The following STK32A variants were observed in gnomAD, a reference collection of about 807,000 sequenced individuals.
STK32A encodes the protein serine/threonine kinase 32A, also known as serine/threonine-protein kinase 32A.
A neutral mutation model predicts 53.2 loss-of-function variants in STK32A; 41 were observed. The observed-to-expected ratio is 0.77, with a 90% confidence interval of 0.60 to 1.00. The LOEUF (loss-of-function observed/expected upper bound fraction) is 1.00. Among genes scored for constraint, STK32A ranks in the 50% least tolerant of loss-of-function variants. The pLI is 0.00. For synonymous variants in STK32A, 166 were observed against 162.8 expected (o/e 1.02, Z -0.15); for missense variants, 458 against 485.8 (o/e 0.94, Z 0.54).
In STK32A at chr5:147,305,073, G is replaced by C. The variant is rs188238271; in HGVS notation, c.261-18825G>C. Among the ~76,000 whole-genome samples, 1,517 of 152,052 alleles carry C rather than the reference G, an allele frequency of 1.0e-2. 15 individuals are homozygous for C. Among genetic ancestry groups the C allele is most frequent in the South Asian group, 0.025 (121 of 4,796 alleles). On this transcript the variant is annotated intron_variant, in intron 4 of 12. Transcript: ENST00000397936. ...CACTCCAGCCTGGGTGACAGGGCAAGACTCTGCTCTAAAAAACTAAAAAAA... is the reference window on the plus strand; with the variant it reads ...CACTCCAGCCTGGGTGACAGGGCAACACTCTGCTCTAAAAAACTAAAAAAA...
intron 4 of STK32A, among the ~76,000 whole-genome samples, chr5:147,280,868 C>A (rs533496877): frequency 1.3e-5 from 2 of 152,228 alleles, no homozygotes; most frequent in African/African-American, 4.8e-5. Flanking sequence ...AGCTAAGAAC[C>A]CTTACAGAGT....
intron 4 of STK32A, among the ~76,000 whole-genome samples, chr5:147,295,095 G>A (rs1361603855): frequency 6.6e-6 from 1 of 152,184 alleles, no homozygotes; most frequent in Non-Finnish European, 1.5e-5. Context: ...AGTATTTATA[G>A]ATGAAAACCA....
At position 147,384,691 on chromosome 5, in the gene STK32A, A is replaced by T. The variant is rs1757582116; in HGVS notation, c.*708A>T. The T allele has an allele frequency of 2.6e-6, 1 of 391,886 alleles. No individual in the cohort carries two copies. Among genetic ancestry groups the T allele is most frequent in the Non-Finnish European group, 4.5e-6 (1 of 220,592 alleles). The allele number at this position is 391,886 out of a possible 1,614,324, so 24.3% of individuals were successfully genotyped here. ...GCATTTACACCACGGAAACTGGTAAATGCTCGTTTTTTCCCTCCTAACAAG... is the reference window on the plus strand; with the variant it reads ...GCATTTACACCACGGAAACTGGTAATTGCTCGTTTTTTCCCTCCTAACAAG... On this transcript the variant is annotated 3_prime_UTR_variant, in exon 13 of 13. Coordinates refer to ENST00000397936, the MANE Select transcript of STK32A (RefSeq NM_001112724.2).
chr5:147,241,640 A>G (rs1753588390), intron 2 of STK32A, among the ~76,000 whole-genome samples: 1 of 152,220 alleles, frequency 6.6e-6, no homozygotes, highest in Non-Finnish European at 1.5e-5. Flanking sequence ...AGGGGTCTTA[A>G]GAAAACTTTT....
chr5:147,362,463 C>T (rs2053939361), intron 8 of STK32A, among the ~76,000 whole-genome samples: 1 of 152,172 alleles, frequency 6.6e-6, no homozygotes, highest in Non-Finnish European at 1.5e-5. Context: ...GACCTACCCC[C>T]ATAAACTAAC....
intron 2 of STK32A, among the ~76,000 whole-genome samples, chr5:147,261,305 C>G (rs1754560159): frequency 6.6e-6 from 1 of 152,202 alleles, no homozygotes; most frequent in South Asian, 2.1e-4. Flanking sequence ...TGCGCCCTTA[C>G]AGATGGAACA....
chr5:147,337,637 G>A (rs1755201539), intron 5 of STK32A, among the ~76,000 whole-genome samples: 1 of 151,976 alleles, frequency 6.6e-6, no homozygotes, highest in African/African-American at 2.4e-5. Flanking sequence ...ACTTTTATGA[G>A]TCCAGGGGCT....
the STK32A span, among the ~76,000 whole-genome samples, chr5:147,396,539 A>G: frequency 5.9e-5 from 9 of 152,162 alleles, no homozygotes; most frequent in African/African-American, 1.9e-4. Context: ...ATGGATCATC[A>G]CAAGAAGTCC....
At chr5:147,397,568 G>T in the STK32A span, 4 of 1,279,730 alleles carry the variant, frequency 3.1e-6, no homozygotes, top group Non-Finnish European at 4.3e-6. Context: ...CTCTGTGAGA[G>T]TCTAGAGATC....
chr5:147,322,658 A>T (rs1754375945), intron 4 of STK32A, among the ~76,000 whole-genome samples: 1 of 152,230 alleles, frequency 6.6e-6, no homozygotes, highest in Admixed American at 6.5e-5. Flanking sequence ...GTCTAAAGAA[A>T]CATGTCAAAG....
At chr5:147,236,712 C>T (rs550531596) in intron 1 of STK32A, among the ~76,000 whole-genome samples, 2 of 152,156 alleles carry the variant, frequency 1.3e-5, no homozygotes, top group South Asian at 4.1e-4. Context: ...TATCTTCCCA[C>T]TAAAAATCAC....
intron 4 of STK32A, among the ~76,000 whole-genome samples, chr5:147,289,119 T>A (rs918322246): frequency 1.2e-4 from 18 of 151,958 alleles, no homozygotes; most frequent in Non-Finnish European, 7.4e-5. Flanking sequence ...GTCAAGGGGG[T>A]TATCTTCAAC....
At chr5:147,318,619 A>G (rs1754134610) in intron 4 of STK32A, among the ~76,000 whole-genome samples, 1 of 151,708 alleles carries the variant, frequency 6.6e-6, no homozygotes, top group Admixed American at 6.6e-5. Context: ...TAAAAAAAAA[A>G]AAAAGAAAAA....
At chr5:147,363,132 A>G (rs1344822637) in intron 8 of STK32A, among the ~76,000 whole-genome samples, 1 of 152,126 alleles carries the variant, frequency 6.6e-6, no homozygotes, top group Non-Finnish European at 1.5e-5. Context: ...CAAGCAAGTT[A>G]TGTGCTTCCA....
At chr5:147,256,790 G>A (rs995136338) in intron 2 of STK32A, among the ~76,000 whole-genome samples, 23 of 152,150 alleles carry the variant, frequency 1.5e-4, no homozygotes, top group African/African-American at 5.6e-4. Context: ...GGGATTACAG[G>A]CGTGAGCCAC....
chr5:147,263,136 C>T (rs1055943511), intron 2 of STK32A, among the ~76,000 whole-genome samples: 2 of 152,124 alleles, frequency 1.3e-5, no homozygotes, highest in South Asian at 2.1e-4. Context: ...TACTGGGGCA[C>T]CCAGCCTCCT....
rs979925499 is a variant in STK32A, at chr5:147,314,527, CA to C, written c.261-9358del. On this transcript the variant is annotated intron_variant, in intron 4 of 12. Coordinates refer to ENST00000397936, the MANE Select transcript of STK32A (RefSeq NM_001112724.2). Reference sequence around the variant, plus strand: ...AAAAACAAAAAAAAACAAAAAAAAACAAAAAAAAAAAAAGAACAAAGATTTC... The same window carrying C: ...AAAAACAAAAAAAAACAAAAAAAAACAAAAAAAAAAAAGAACAAAGATTTC... 4.7e-3 allele frequency among the ~76,000 whole-genome samples: 92 copies of C among 19,412 alleles called. 4 individuals carry two copies. The highest frequency in any genetic ancestry group is 0.03 in the East Asian group (26 of 860). The allele number at this position is 19,412 out of a possible 152,430, so 12.7% of individuals were successfully genotyped here.
chr5:147,306,324 C>T (rs1410305443), intron 4 of STK32A, among the ~76,000 whole-genome samples: 2 of 151,950 alleles, frequency 1.3e-5, no homozygotes, highest in African/African-American at 2.4e-5. Context: ...TCCATGAAAG[C>T]TCTTTATATA....
chr5:147,285,115 A>C (rs543714514), intron 4 of STK32A, among the ~76,000 whole-genome samples: 1 of 152,306 alleles, frequency 6.6e-6, no homozygotes, highest in South Asian at 2.1e-4. Context: ...ACATAGACCA[A>C]TGGAACAGAA....
Sources: gnomAD v4.1 joint callset for allele counts (sites outside exome capture counted in the v4.1 genomes callset) on GRCh38, gnomAD v4.1.1 for gene constraint, MANE v1.5 for transcripts, NCBI Gene and HGNC (gene_info 2026-07-23, HGNC 2026-07-21) for gene names.